Variants in PARD3B observed in about 807,000 individuals in gnomAD.
PARD3B encodes partitioning defective 3 homolog B.
A neutral mutation model predicts 130.2 loss-of-function variants in PARD3B; 103 were observed. The ratio of observed to expected loss-of-function variants is 0.79; its 90% CI spans 0.67 to 0.93. The LOEUF (loss-of-function observed/expected upper bound fraction) is 0.93, where lower values mean the gene tolerates loss of function less well. PARD3B is among the 40% of genes least tolerant of loss of function. The pLI is 0.00. For synonymous variants in PARD3B, 583 were observed against 553.2 expected (o/e 1.05, Z -0.76); for missense variants, 1,609 against 1,499.2 (o/e 1.07, Z -1.21).
chr2:204,801,728 A>G (rs58347501), intron 2 of PARD3B, among the ~76,000 whole-genome samples: 2,589 of 152,238 alleles, frequency 0.017, 69 homozygotes, highest in African/African-American at 0.057. Context: ...TGCGGCCAGA[A>G]CTTCCAATAC....
chr2:205,354,788 A>G (rs1053682511), intron 18 of PARD3B, among the ~76,000 whole-genome samples: 2 of 152,212 alleles, frequency 1.3e-5, no homozygotes, highest in African/African-American at 4.8e-5. Flanking sequence ...AATGAAGCTT[A>G]CAATAGATTT....
intron 3 of PARD3B, among the ~76,000 whole-genome samples, chr2:204,984,642 G>A (rs185457891): frequency 2.6e-4 from 39 of 152,166 alleles, no homozygotes; most frequent in African/African-American, 7.0e-4. Flanking sequence ...GAAATGGAGC[G>A]GCCCTGGAAT....
At chr2:205,515,627 A>G (rs6747697) in intron 21 of PARD3B, among the ~76,000 whole-genome samples, 71,831 of 151,732 alleles carry the variant, frequency 0.47, 17,526 homozygotes, top group South Asian at 0.6. Context: ...GTATCTATTC[A>G]TGTCCTTTTT....
At chr2:204,739,037 G>C (rs748975337) in intron 2 of PARD3B, among the ~76,000 whole-genome samples, 29 of 152,130 alleles carry the variant, frequency 1.9e-4, no homozygotes, top group Non-Finnish European at 4.1e-4. Flanking sequence ...CTGCCTAAGA[G>C]TTTCTACTTT....
intron 2 of PARD3B, among the ~76,000 whole-genome samples, chr2:204,923,536 G>A (rs2047763702): frequency 6.6e-6 from 1 of 151,796 alleles, no homozygotes; most frequent in African/African-American, 2.4e-5. Context: ...CTAGATATAT[G>A]TGCAGTACAT....
chr2:205,087,151 C>T (rs1371128390), intron 4 of PARD3B, among the ~76,000 whole-genome samples: 2 of 151,988 alleles, frequency 1.3e-5, no homozygotes, highest in Non-Finnish European at 2.9e-5. Flanking sequence ...AAAAGACAGG[C>T]GTCTGAACTT....
At chr2:205,346,492 G>A (rs1475096154) in intron 18 of PARD3B, among the ~76,000 whole-genome samples, 2 of 152,128 alleles carry the variant, frequency 1.3e-5, no homozygotes, top group African/African-American at 4.8e-5. Flanking sequence ...CAATCAAAGA[G>A]GTTCCAAGAG....
chr2:205,429,188 C>A (rs1228450547), intron 19 of PARD3B, among the ~76,000 whole-genome samples: 7 of 152,076 alleles, frequency 4.6e-5, no homozygotes, highest in Admixed American at 3.9e-4. Flanking sequence ...ACATAAAAAA[C>A]CATAAGTTTA....
At chr2:205,138,651 G>A (rs557714879) in intron 10 of PARD3B, among the ~76,000 whole-genome samples, 2 of 152,158 alleles carry the variant, frequency 1.3e-5, no homozygotes, top group Non-Finnish European at 2.9e-5. Flanking sequence ...TAACCTCTAA[G>A]TTTCTGTGCA....
chr2:205,093,096 T>A (rs1299678792), intron 4 of PARD3B, among the ~76,000 whole-genome samples: 1 of 152,132 alleles, frequency 6.6e-6, no homozygotes. Context: ...CAACTTCGAA[T>A]GCAGAGACAG....
chr2:204,552,062 C>T (rs892363139), intron 1 of PARD3B, among the ~76,000 whole-genome samples: 4 of 152,268 alleles, frequency 2.6e-5, no homozygotes, highest in South Asian at 2.1e-4. Flanking sequence ...AAATGTAAAT[C>T]GCCACAAATG....
chr2:204,606,803 A>G lies in PARD3B; in HGVS notation c.120+60684A>G, dbSNP rs952070105. ...CAGTTAAGACTACTGAGAGTCCTTT[A>G]TATCTCGTTTGGAGGCTGCTCTGTC... On this transcript the variant is annotated intron_variant, in intron 1 of 22. Coordinates refer to ENST00000406610, the MANE Select transcript of PARD3B (RefSeq NM_001302769.2). This position sits in a 1 kb window ranked among gnomAD's most constrained non-coding sequence, Gnocchi z 4.0. 2.6e-5 allele frequency among the ~76,000 whole-genome samples: 4 copies of G among 152,176 alleles called. No homozygotes were observed. Among genetic ancestry groups the G allele is most frequent in the African/African-American group, 7.2e-5 (3 of 41,446 alleles).
chr2:204,982,136 C>T lies in PARD3B; in HGVS notation c.394+16813C>T, dbSNP rs920167790. 5.3e-5 allele frequency among the ~76,000 whole-genome samples: 8 copies of T among 152,090 alleles called. No individual in the cohort carries two copies. In the South Asian group the frequency reaches 6.2e-4, roughly 12 times the overall value. ...TTTTTATTTTTATATTTCCTTCCTTCTGCAAGGTTTGAATTGTTTTGAAAA... is the reference window on the plus strand; with the variant it reads ...TTTTTATTTTTATATTTCCTTCCTTTTGCAAGGTTTGAATTGTTTTGAAAA... On this transcript the variant is annotated intron_variant, in intron 3 of 22. Transcript: ENST00000406610.
At chr2:204,625,439 A>G (rs2034454568) in intron 1 of PARD3B, among the ~76,000 whole-genome samples, 1 of 152,168 alleles carries the variant, frequency 6.6e-6, no homozygotes, top group South Asian at 2.1e-4. Flanking sequence ...CACTCTTGCA[A>G]TTTAGTGGAA....
At chr2:204,996,936 G>GGCTCGCACATGGTGC (rs1457479677) in intron 3 of PARD3B, among the ~76,000 whole-genome samples, 1 of 151,756 alleles carries the variant, frequency 6.6e-6, no homozygotes, top group Non-Finnish European at 1.5e-5. Context: ...GCCCTGCTTC[G>GGCTCGCACATGGTGC]GCTCGCACAT....
chr2:205,302,952 G>T (rs1288733810), intron 18 of PARD3B, among the ~76,000 whole-genome samples: 1 of 152,094 alleles, frequency 6.6e-6, no homozygotes, highest in African/African-American at 2.4e-5. Flanking sequence ...GACTAGACGG[G>T]GCTCAACATG....
At chr2:205,430,310 C>T (rs879874261) in intron 19 of PARD3B, among the ~76,000 whole-genome samples, 9 of 152,150 alleles carry the variant, frequency 5.9e-5, no homozygotes, top group Middle Eastern at 3.2e-3. Context: ...TGTTGTTTAA[C>T]GGTCAACTGT....
rs764364488 is a variant in PARD3B, at chr2:204,716,540, A to G, written c.222+30258A>G. Among the ~76,000 whole-genome samples, 7 of 151,778 alleles carry G rather than the reference A, an allele frequency of 4.6e-5. No individual in the cohort carries two copies. The East Asian group carries it at 9.8e-4, about 21-fold the overall frequency. On this transcript the variant is annotated intron_variant, in intron 2 of 22. Transcript: ENST00000406610. ...GATGTACTTGGGGAAGACAGTGGAA[A>G]TGGACTGTATGTAAAATTATTGAGT...
rs568637368 is a variant in PARD3B, at chr2:205,146,476, C to T, written c.1435-12246C>T. On this transcript the variant is annotated intron_variant, in intron 10 of 22. Transcript: ENST00000406610. This position sits in a 1 kb window ranked among gnomAD's most constrained non-coding sequence, Gnocchi z 4.3. ...CATCCTGGCTAACACGGCAAAACCCCGTCTCTACTAAAAATACAAAAACAT... is the reference window on the plus strand; with the variant it reads ...CATCCTGGCTAACACGGCAAAACCCTGTCTCTACTAAAAATACAAAAACAT... Among the ~76,000 whole-genome samples the T allele has an allele frequency of 9.2e-5, 14 of 151,912 alleles. No homozygotes were observed. The highest frequency in any genetic ancestry group is 2.1e-4 in the South Asian group (1 of 4,782).
Sources: gnomAD v4.1 joint callset for allele counts (sites outside exome capture counted in the v4.1 genomes callset) on GRCh38, gnomAD v4.1.1 for gene constraint, Gnocchi (gnomAD v3.1) non-coding constraint, MANE v1.5 for transcripts, NCBI Gene and HGNC (gene_info 2026-07-23, HGNC 2026-07-21) for gene names.